The following CNTN3 variants were observed in gnomAD, a reference collection of about 807,000 sequenced individuals.
The protein encoded by CNTN3 is contactin-3.
CNTN3 carries 60 observed loss-of-function variants against 119.1 expected under a neutral mutation model. That is an observed-to-expected ratio of 0.50 (90% CI 0.41 to 0.62). CNTN3 has a LOEUF of 0.62. CNTN3 is among the 20% of genes least tolerant of loss of function. The pLI, the probability that CNTN3 is intolerant of heterozygous loss-of-function variation, is 0.00. For missense variants in CNTN3, 1,101 were observed against 1,242.4 expected (o/e 0.89, Z 1.71); for synonymous variants, 450 against 438.7 (o/e 1.03, Z -0.32).
At chr3:74,587,572 T>C (rs558593819) in intron 1 of CNTN3, among the ~76,000 whole-genome samples, 2 of 152,240 alleles carry the variant, frequency 1.3e-5, no homozygotes, top group East Asian at 1.9e-4. Flanking sequence ...CATTAAGCTA[T>C]AGGTGATTTT....
Position 74,521,724 on chromosome 3 carries a change from C to T in CNTN3, c.-80-532G>A, listed in dbSNP as rs190956647. On this transcript the variant is annotated intron_variant, in intron 1 of 22. Coordinates refer to ENST00000263665, the MANE Select transcript of CNTN3 (RefSeq NM_020872.3). Reference sequence around the variant, plus strand: ...GCTGTGTAAAACAGATTTTAAAATGCTAATGGTAGAAATGTTCAGTCTGAG... The same window carrying T: ...GCTGTGTAAAACAGATTTTAAAATGTTAATGGTAGAAATGTTCAGTCTGAG... Among the ~76,000 whole-genome samples, 467 of 151,886 alleles carry T rather than the reference C, an allele frequency of 3.1e-3. 3 individuals are homozygous for T. Among genetic ancestry groups the T allele is most frequent in the Middle Eastern group, 6.8e-3 (2 of 294 alleles).
At chr3:74,308,499 T>C (rs1055123388) in intron 13 of CNTN3, among the ~76,000 whole-genome samples, 2 of 152,218 alleles carry the variant, frequency 1.3e-5, no homozygotes, top group Admixed American at 6.5e-5. Context: ...ACATCAAAGA[T>C]CACAAAAACT....
intron 13 of CNTN3, among the ~76,000 whole-genome samples, chr3:74,329,609 A>G (rs1703213318): frequency 6.6e-6 from 1 of 152,178 alleles, no homozygotes; most frequent in Non-Finnish European, 1.5e-5. Context: ...AACATTTGTA[A>G]AATCATACTT....
At chr3:74,524,985 T>C (rs1216714351) in intron 1 of CNTN3, among the ~76,000 whole-genome samples, 1 of 151,746 alleles carries the variant, frequency 6.6e-6, no homozygotes, top group East Asian at 2.0e-4. Context: ...TGCAGATGTA[T>C]GGGGGTCAAT....
At chr3:74,546,626 T>G (rs1370004625) in intron 1 of CNTN3, among the ~76,000 whole-genome samples, 1 of 152,176 alleles carries the variant, frequency 6.6e-6, no homozygotes, top group South Asian at 2.1e-4. Flanking sequence ...CTGTGGACTC[T>G]TGGACTCATA....
intron 5 of CNTN3, among the ~76,000 whole-genome samples, chr3:74,406,341 G>T (rs143702028): frequency 1.3e-5 from 2 of 152,030 alleles, no homozygotes; most frequent in African/African-American, 4.8e-5. Context: ...GTACAAATTT[G>T]TCTTTACAGT....
chr3:74,469,625 G>A (rs1702524297), intron 4 of CNTN3, among the ~76,000 whole-genome samples: 1 of 152,180 alleles, frequency 6.6e-6, no homozygotes, highest in African/African-American at 2.4e-5. Flanking sequence ...TCATCAGGGA[G>A]ATGTAAATGA....
chr3:74,437,691 A>G lies in CNTN3; in HGVS notation c.359-12751T>C, dbSNP rs186944622. ...TTTCTTATACTTCAAGTGTTTATATATGTGTGTGTGTGTGTATATATACAT... is the reference window on the plus strand; with the variant it reads ...TTTCTTATACTTCAAGTGTTTATATGTGTGTGTGTGTGTGTATATATACAT... On this transcript the variant is annotated intron_variant, in intron 4 of 22. Transcript: ENST00000263665. Among the ~76,000 whole-genome samples, 358 of 151,498 alleles carry G rather than the reference A, an allele frequency of 2.4e-3. 1 individual carries two copies. Among genetic ancestry groups the G allele is most frequent in the Non-Finnish European group, 4.0e-3 (269 of 67,878 alleles).
At chr3:74,566,356 G>T (rs1704225955) in intron 1 of CNTN3, among the ~76,000 whole-genome samples, 1 of 150,550 alleles carries the variant, frequency 6.6e-6, no homozygotes, top group Admixed American at 6.6e-5. Flanking sequence ...TCTTAGGGCT[G>T]CTGTAACAAA....
At chr3:74,475,301 C>A (rs924625283) in intron 4 of CNTN3, among the ~76,000 whole-genome samples, 2 of 152,138 alleles carry the variant, frequency 1.3e-5, no homozygotes. Context: ...AAAATTAAAT[C>A]AAATGCATAT....
intron 2 of CNTN3, among the ~76,000 whole-genome samples, chr3:74,512,367 A>G (rs1703381499): frequency 1.3e-5 from 2 of 152,138 alleles, no homozygotes; most frequent in African/African-American, 4.8e-5. Context: ...ATTAAGTCTG[A>G]GACAAAAGGT....
At chr3:74,436,587 C>CA (rs964271852) in intron 4 of CNTN3, among the ~76,000 whole-genome samples, 59 of 151,708 alleles carry the variant, frequency 3.9e-4, no homozygotes, top group Middle Eastern at 3.4e-3. Context: ...AGAAAAATAC[C>CA]AAAAAAGTGA....
chr3:74,370,939 T>C (rs996700117), intron 6 of CNTN3, among the ~76,000 whole-genome samples: 1 of 152,080 alleles, frequency 6.6e-6, no homozygotes, highest in Non-Finnish European at 1.5e-5. Context: ...AAATTCTTAA[T>C]GATTTTTGAA....
chr3:74,424,756 TA>T, intron 5 of CNTN3, 88 bp downstream of exon 5: 1 of 1,054,176 alleles, frequency 9.5e-7, no homozygotes, highest in East Asian at 2.5e-5. Flanking sequence ...TTTCTCAGAG[TA>T]ATTTACAGAT....
intron 1 of CNTN3, among the ~76,000 whole-genome samples, chr3:74,580,258 C>T (rs780809971): frequency 6.6e-6 from 1 of 152,144 alleles, no homozygotes; most frequent in Non-Finnish European, 1.5e-5. Flanking sequence ...AATCCAAACC[C>T]TTCCCATAAA....
At chr3:74,385,736 A>T (rs1704729854) in intron 5 of CNTN3, among the ~76,000 whole-genome samples, 1 of 152,234 alleles carries the variant, frequency 6.6e-6, no homozygotes, top group Non-Finnish European at 1.5e-5. Flanking sequence ...ATCCATATGC[A>T]TGCTGTGGTT....
At chr3:74,275,126 A>G (rs1267018458) in intron 20 of CNTN3, among the ~76,000 whole-genome samples, 2 of 152,206 alleles carry the variant, frequency 1.3e-5, no homozygotes, top group Non-Finnish European at 2.9e-5. Context: ...ATAAGAAAAT[A>G]TGATTGTCTC....
rs187051051 is a variant in CNTN3 at position 74,594,343 on chromosome 3, G to A, written c.-81+20048C>T. Among the ~76,000 whole-genome samples, 65 of 142,624 alleles carry A rather than the reference G, an allele frequency of 4.6e-4. No homozygotes were observed. The East Asian group carries it at 0.011, about 23-fold the overall frequency. 93.6% of individuals were successfully genotyped at this position (142,624 alleles called of 152,430 possible). On this transcript the variant is annotated intron_variant, in intron 1 of 22. Coordinates refer to ENST00000263665, the MANE Select transcript of CNTN3 (RefSeq NM_020872.3). ...GTTTTAGTGTACATGTGCACAATGT[G>A]CAGGTTATTTACATATGTATACATG... is the stretch of plus-strand genomic sequence containing the variant.
intron 3 of CNTN3, among the ~76,000 whole-genome samples, chr3:74,496,919 G>A (rs1703075334): frequency 3.3e-5 from 5 of 151,942 alleles, no homozygotes; most frequent in Admixed American, 3.3e-4. Flanking sequence ...TAAAAACAAA[G>A]ACAAGATCAC....
Sources: allele counts gnomAD v4.1 joint callset (sites outside exome capture counted in the v4.1 genomes callset), GRCh38; gene constraint gnomAD v4.1.1; transcripts MANE v1.5; gene names NCBI Gene and HGNC (gene_info 2026-07-23, HGNC 2026-07-21).